The following RAPGEF4 variants were observed in gnomAD, a reference collection of about 807,000 sequenced individuals.
The protein encoded by RAPGEF4 is RAP guanine-nucleotide-exchange factor (GEF) 4.
Under a neutral mutation model 147.9 loss-of-function variants are expected in RAPGEF4, and 66 were observed. The observed-to-expected ratio is 0.45, with a 90% confidence interval of 0.37 to 0.55. The LOEUF (loss-of-function observed/expected upper bound fraction) is 0.55, where lower values mean the gene tolerates loss of function less well. Ranked by LOEUF, RAPGEF4 falls within the 20% of genes least tolerant of loss-of-function variation. The pLI is 0.00. For synonymous variants in RAPGEF4, 419 were observed against 442.7 expected, an observed-to-expected ratio of 0.95 and a Z score of 0.67; for missense variants, 1,071 against 1,257.3, an observed-to-expected ratio of 0.85 and a Z score of 2.24.
intron 17 of RAPGEF4, 51 bp downstream of exon 17, chr2:173,001,395 C>A (rs377175262): frequency 1.9e-5 from 30 of 1,609,378 alleles, no homozygotes; most frequent in Middle Eastern, 1.7e-4. Context: ...GACAACCCCC[C>A]CTATCGAGGG....
chr2:172,921,796 T>C (rs1684791565), intron 5 of RAPGEF4, among the ~76,000 whole-genome samples: 1 of 152,226 alleles, frequency 6.6e-6, no homozygotes, highest in African/African-American at 2.4e-5. Context: ...ATAGCAGGAA[T>C]TTGCTTTGCT....
chr2:173,039,333 C>T (rs924844192), intron 29 of RAPGEF4, among the ~76,000 whole-genome samples: 14 of 151,582 alleles, frequency 9.2e-5, no homozygotes, highest in African/African-American at 2.7e-4. Context: ...GGTGTGGTGG[C>T]GGGCACCTGT....
At chr2:172,879,599 G>C (rs898886281) in intron 4 of RAPGEF4, among the ~76,000 whole-genome samples, 2 of 152,106 alleles carry the variant, frequency 1.3e-5, no homozygotes, top group Admixed American at 1.3e-4. Flanking sequence ...CCAGTAGTTT[G>C]ATACCAGCTT....
intron 25 of RAPGEF4, among the ~76,000 whole-genome samples, chr2:173,029,603 T>G (rs1696994347): frequency 6.6e-6 from 1 of 152,206 alleles, no homozygotes; most frequent in South Asian, 2.1e-4. Flanking sequence ...GGTCAGTTGT[T>G]TAGGTTACTT....
intron 16 of RAPGEF4, among the ~76,000 whole-genome samples, chr2:173,000,750 C>CTTTT (rs1164657530): frequency 8.2e-5 from 2 of 24,244 alleles, no homozygotes; most frequent in Non-Finnish European, 1.4e-4. Context: ...TTCTTTCTTT[C>CTTTT]TTTTTTTTTT....
At chr2:172,990,131 G>A (rs539995289) in intron 14 of RAPGEF4, among the ~76,000 whole-genome samples, 2 of 151,770 alleles carry the variant, frequency 1.3e-5, no homozygotes, top group Non-Finnish European at 1.5e-5. Flanking sequence ...TTTTAAATGA[G>A]GGCCAAATGT....
chr2:173,033,540 C>G (rs1697393932), intron 26 of RAPGEF4, among the ~76,000 whole-genome samples: 1 of 152,076 alleles, frequency 6.6e-6, no homozygotes, highest in Non-Finnish European at 1.5e-5. Context: ...TGCTAATATT[C>G]TGTAATCTAA....
chr2:172,766,037 A>G (rs1433034626), intron 1 of RAPGEF4, among the ~76,000 whole-genome samples: 1 of 152,186 alleles, frequency 6.6e-6, no homozygotes, highest in African/African-American at 2.4e-5. Flanking sequence ...TTTATGTTTC[A>G]GTGTCACATG....
intron 1 of RAPGEF4, among the ~76,000 whole-genome samples, chr2:172,789,004 G>A (rs1685533683): frequency 6.6e-6 from 1 of 152,226 alleles, no homozygotes; most frequent in African/African-American, 2.4e-5. Flanking sequence ...AGTTCTTGCA[G>A]TGGTAAGCCT....
chr2:172,866,463 C>T (rs1325033383), intron 4 of RAPGEF4, among the ~76,000 whole-genome samples: 1 of 152,146 alleles, frequency 6.6e-6, no homozygotes, highest in African/African-American at 2.4e-5. Flanking sequence ...GTAGGCTTAT[C>T]TTTCTTTATA....
chr2:172,976,687 T>C (rs1273762870), intron 10 of RAPGEF4, among the ~76,000 whole-genome samples: 1 of 152,248 alleles, frequency 6.6e-6, no homozygotes, highest in African/African-American at 2.4e-5. Context: ...ATTTGCTTTC[T>C]TACCTGCATA....
intron 1 of RAPGEF4, among the ~76,000 whole-genome samples, chr2:172,736,648 C>T (rs371862816): frequency 6.6e-6 from 1 of 152,144 alleles, no homozygotes; most frequent in Admixed American, 6.5e-5. Flanking sequence ...AAGATCTTTA[C>T]GCTAAAAATA....
intron 1 of RAPGEF4, among the ~76,000 whole-genome samples, chr2:172,739,069 A>G (rs994675764): frequency 2.6e-5 from 4 of 152,184 alleles, no homozygotes; most frequent in African/African-American, 9.7e-5. Flanking sequence ...TTATGTATCA[A>G]TCATCCACCA....
At chr2:173,004,232 T>C (rs1575493030) in intron 17 of RAPGEF4, among the ~76,000 whole-genome samples, 1 of 152,312 alleles carries the variant, frequency 6.6e-6, no homozygotes, top group East Asian at 1.9e-4. Context: ...AGGCCTTTTA[T>C]GTGCTAATGA....
chr2:172,922,654 G>T (rs1190129776), intron 6 of RAPGEF4, among the ~76,000 whole-genome samples: 1 of 152,168 alleles, frequency 6.6e-6, no homozygotes. Flanking sequence ...TCCTTAGCAG[G>T]AATACAAACT....
intron 1 of RAPGEF4, among the ~76,000 whole-genome samples, chr2:172,739,528 T>A (rs892406075): frequency 1.3e-5 from 2 of 152,020 alleles, no homozygotes; most frequent in African/African-American, 4.8e-5. Flanking sequence ...CACACCACCA[T>A]GCCTGCCTAA....
intron 1 of RAPGEF4, chr2:172,744,311 G>T: frequency 2.4e-6 from 1 of 418,124 alleles, no homozygotes; most frequent in South Asian, 1.8e-5. Flanking sequence ...TTCAAATTCT[G>T]TCACCTCTAC....
intron 12 of RAPGEF4, among the ~76,000 whole-genome samples, chr2:172,987,735 T>C (rs893529185): frequency 1.3e-5 from 2 of 152,242 alleles, no homozygotes; most frequent in Non-Finnish European, 2.9e-5. Context: ...ATCTGTGGAT[T>C]TTGATATCCT....
intron 1 of RAPGEF4, among the ~76,000 whole-genome samples, chr2:172,745,724 A>G (rs1694709759): frequency 6.6e-6 from 1 of 152,158 alleles, no homozygotes; most frequent in Admixed American, 6.5e-5. Context: ...AAGCACAGGT[A>G]TTTTTTTATT....
Sources: allele counts gnomAD v4.1 joint callset (sites outside exome capture counted in the v4.1 genomes callset), GRCh38; gene constraint gnomAD v4.1.1; transcripts MANE v1.5; gene names NCBI Gene and HGNC (gene_info 2026-07-23, HGNC 2026-07-21).